IGF2R: variants seen among roughly 807,000 people sequenced by gnomAD.
The protein encoded by IGF2R is cation-independent mannose-6-phosphate receptor.
In IGF2R, 91 loss-of-function variants were observed where a neutral mutation model predicts 270.6. That is an observed-to-expected ratio of 0.34 (90% CI 0.28 to 0.40). The LOEUF (loss-of-function observed/expected upper bound fraction) is 0.40, where lower values mean the gene tolerates loss of function less well. IGF2R is among the 10% of genes least tolerant of loss of function. IGF2R has a pLI of 1.00. For missense variants in IGF2R, 2,805 were observed against 3,188.3 expected (o/e 0.88, Z 2.90); for synonymous variants, 1,316 against 1,258.9 (o/e 1.05, Z -0.96).
intron 1 of IGF2R, among the ~76,000 whole-genome samples, chr6:159,980,214 A>AGAAG (rs1562330544): frequency 2.2e-5 from 3 of 138,532 alleles, no homozygotes; most frequent in African/African-American, 8.2e-5. Context: ...AAAGAAAGAA[A>AGAAG]GAAAGAAAGA....
Position 160,078,133 on chromosome 6 carries a change from G to A in IGF2R, c.5317-68G>A, listed in dbSNP as rs531863167. ...GGTTATGCACAGCCCCTGTAGGGAC[G>A]TGGTGTGTCACTGCTATCTATCCCT... On this transcript the variant is annotated intron_variant, in intron 36 of 47. Coordinates refer to ENST00000356956, the MANE Select transcript of IGF2R (RefSeq NM_000876.4). 1.7e-3 allele frequency: 2,515 copies of A among 1,508,830 alleles called. 3 individuals are homozygous for A. Among genetic ancestry groups the A allele is most frequent in the Non-Finnish European group, 2.2e-3 (2,454 of 1,093,508 alleles). The allele number at this position is 1,508,830 out of a possible 1,614,324, so 93.5% of individuals were successfully genotyped here.
chr6:160,093,721 T>C (rs1779283165), intron 44 of IGF2R: 4 of 758,078 alleles, frequency 5.3e-6, no homozygotes, highest in East Asian at 4.9e-5. Flanking sequence ...TGAATGGACC[T>C]GAACCACTCA....
intron 36 of IGF2R, among the ~76,000 whole-genome samples, chr6:160,077,771 C>T (rs1311212672): frequency 6.6e-6 from 1 of 152,202 alleles, no homozygotes; most frequent in Non-Finnish European, 1.5e-5. Flanking sequence ...AGTGATTCTA[C>T]AATACTTGGC....
At chr6:160,088,686 G>A (rs1326883565) in intron 42 of IGF2R, among the ~76,000 whole-genome samples, 1 of 152,158 alleles carries the variant, frequency 6.6e-6, no homozygotes, top group Non-Finnish European at 1.5e-5. Flanking sequence ...ATTGCCAAAG[G>A]ATTTATGAAT....
rs1475123847 is a variant in IGF2R, at chr6:160,099,038, T to C, written c.6842+2413T>C. On this transcript the variant is annotated intron_variant, in intron 45 of 47. Coordinates refer to ENST00000356956, the MANE Select transcript of IGF2R (RefSeq NM_000876.4). ...AAATGGTTCTTTCACAATATTTGAT[T>C]AAAGTCAAAAAATTTACACAAAGCT... is the stretch of plus-strand genomic sequence containing the variant. Among the ~76,000 whole-genome samples the C allele has an allele frequency of 2.0e-5, 3 of 152,188 alleles. No homozygotes were observed. The East Asian group carries it at 5.8e-4, about 29-fold the overall frequency.
chr6:160,096,554 C>A lies in IGF2R; in HGVS notation c.6771C>A (p.Pro2257=), dbSNP rs143486063. 6.2e-7 allele frequency: 1 copy of A among 1,614,122 alleles called. No homozygotes were observed. The highest frequency in any genetic ancestry group is 1.1e-5 in the South Asian group (1 of 91,062). ...HCDPLVEDGI[P]EFSHETADCQ... ...ACCCTCTGGTGGAGGACGGGATCCC[C>A]GAGTTCAGTCACGAGACTGCCGACT... is the stretch of plus-strand genomic sequence containing the variant. Residue 2257 remains proline, a synonymous_variant, in exon 45 of 48, where the codon CCC becomes CCA. Transcript: ENST00000356956.
At chr6:160,031,936 A>G (rs888669161) in intron 7 of IGF2R, among the ~76,000 whole-genome samples, 3 of 152,010 alleles carry the variant, frequency 2.0e-5, no homozygotes, top group Non-Finnish European at 4.4e-5. Context: ...TCAAAGACGA[A>G]TGGTGGAGCT....
chr6:159,971,650 T>G (rs1195122856), intron 1 of IGF2R, among the ~76,000 whole-genome samples: 1 of 152,208 alleles, frequency 6.6e-6, no homozygotes, highest in East Asian at 1.9e-4. Flanking sequence ...TGTCTGTTCC[T>G]GTTTTATAAT....
chr6:160,013,175 C>T (rs1784364618), intron 4 of IGF2R, among the ~76,000 whole-genome samples: 1 of 151,838 alleles, frequency 6.6e-6, no homozygotes. Context: ...TGTCTTCTAC[C>T]ACCTAGGAAA....
chr6:160,006,908 G>C (rs995340191), intron 2 of IGF2R: 1 of 133,942 alleles, frequency 7.5e-6, no homozygotes, highest in Admixed American at 7.6e-5. Flanking sequence ...CTCCCATCTT[G>C]TATTAATTTT....
intron 2 of IGF2R, 126 bp downstream of exon 2, chr6:159,991,449 T>G: frequency 1.3e-6 from 1 of 741,740 alleles, no homozygotes; most frequent in South Asian, 2.0e-5. Flanking sequence ...CATAAGTGTT[T>G]ATAATACATA....
chr6:160,085,729 T>A (rs1779085275), intron 41 of IGF2R, among the ~76,000 whole-genome samples: 2 of 152,242 alleles, frequency 1.3e-5, no homozygotes, highest in South Asian at 4.1e-4. Context: ...TTTCCCGAGT[T>A]GTCCTGATTC....
At chr6:160,024,054 G>A (rs555687367) in intron 4 of IGF2R, among the ~76,000 whole-genome samples, 65 of 152,320 alleles carry the variant, frequency 4.3e-4, no homozygotes, top group African/African-American at 1.5e-3. Context: ...GGGAAGGCTA[G>A]GACACGAGCA....
At position 160,024,564 on chromosome 6, in the gene IGF2R, C is replaced by A. The variant is rs753075806; in HGVS notation, c.514-8C>A. The A allele has an allele frequency of 1.2e-6, 2 of 1,612,184 alleles. No individual in the cohort carries two copies. Among genetic ancestry groups the A allele is most frequent in the East Asian group, 4.5e-5 (2 of 44,872 alleles). ...CTGAAGACTCACTTTTTTCTTCCTC[C>A]CTTCCAGGTGCCATGCTATGTGTTT... On this transcript the variant is annotated splice_polypyrimidine_tract_variant and splice_region_variant and intron_variant, in intron 4 of 47. Coordinates refer to ENST00000356956, the MANE Select transcript of IGF2R (RefSeq NM_000876.4).
At chr6:160,098,540 C>T (rs2114739924) in intron 45 of IGF2R, among the ~76,000 whole-genome samples, 1 of 152,192 alleles carries the variant, frequency 6.6e-6, no homozygotes, top group East Asian at 1.9e-4. Context: ...TAAATATGGC[C>T]AGACGCGGTG....
chr6:159,972,295 C>A (rs1320454268), intron 1 of IGF2R, among the ~76,000 whole-genome samples: 1 of 152,146 alleles, frequency 6.6e-6, no homozygotes, highest in Non-Finnish European at 1.5e-5. Context: ...GCTGCTTGGT[C>A]ACATGGAGGC....
chr6:160,039,253 G>A (rs193224547), intron 10 of IGF2R, among the ~76,000 whole-genome samples: 148 of 152,230 alleles, frequency 9.7e-4, no homozygotes, highest in African/African-American at 3.4e-3. Flanking sequence ...ACTGAATACT[G>A]CATGCACTTG....
intron 4 of IGF2R, among the ~76,000 whole-genome samples, chr6:160,011,553 T>G (rs1035283282): frequency 8.2e-6 from 1 of 121,442 alleles, no homozygotes; most frequent in Non-Finnish European, 1.9e-5. Context: ...CATATTTCGT[T>G]TTTTTTTTTT....
intron 22 of IGF2R, among the ~76,000 whole-genome samples, chr6:160,059,683 C>T (rs571871045): frequency 1.2e-4 from 18 of 152,352 alleles, no homozygotes; most frequent in Admixed American, 5.2e-4. Context: ...GTCCACAGTA[C>T]GGCCATGGGA....
Sources: allele counts gnomAD v4.1 joint callset (sites outside exome capture counted in the v4.1 genomes callset), GRCh38; gene constraint gnomAD v4.1.1; transcripts MANE v1.5; gene names NCBI Gene and HGNC (gene_info 2026-07-23, HGNC 2026-07-21).